GMCL1: variants seen among roughly 807,000 people sequenced by gnomAD.
GMCL1 encodes the protein germ cell-less 1, spermatogenesis associated.
Under a neutral mutation model 75.5 loss-of-function variants are expected in GMCL1, and 54 were observed. The ratio of observed to expected loss-of-function variants is 0.71; its 90% CI spans 0.57 to 0.90. The LOEUF is 0.90. Ranked by LOEUF, GMCL1 falls within the 40% of genes least tolerant of loss-of-function variation. The probability of loss-of-function intolerance (pLI) is 0.00; values close to 1 mark genes in which losing one functional copy is unlikely to be tolerated. For synonymous variants in GMCL1, 210 were observed against 209.6 expected (o/e 1.00, Z -0.02); for missense variants, 537 against 622.7 (o/e 0.86, Z 1.47).
intron 1 of GMCL1, among the ~76,000 whole-genome samples, 193 bp from the exon 2 acceptor site, chr2:69,837,354 A>G (rs1034698944): frequency 1.2e-4 from 19 of 152,186 alleles, no homozygotes; most frequent in African/African-American, 3.6e-4. Flanking sequence ...GATAACCACT[A>G]TTATTAGTTT....
At chr2:69,862,967 G>A (rs1675701248) in intron 10 of GMCL1, among the ~76,000 whole-genome samples, 2 of 152,056 alleles carry the variant, frequency 1.3e-5, no homozygotes, top group Non-Finnish European at 2.9e-5. Context: ...AATTTTGGAT[G>A]TTCTTTATTT....
intron 9 of GMCL1, among the ~76,000 whole-genome samples, chr2:69,855,190 A>G (rs916109146): frequency 7.2e-5 from 11 of 152,116 alleles, no homozygotes; most frequent in African/African-American, 2.4e-4. Context: ...TTAAATGATT[A>G]TCTAGTATTC....
At chr2:69,873,290 A>G (rs2104058932) in intron 13 of GMCL1, among the ~76,000 whole-genome samples, 1 of 152,340 alleles carries the variant, frequency 6.6e-6, no homozygotes, top group South Asian at 2.1e-4. Context: ...AACTAGAGCC[A>G]GGGCATGAGG....
In GMCL1 at chr2:69,865,780, A is replaced by ATT. The variant is rs569856883; in HGVS notation, c.1218+807_1218+808dup. Among the ~76,000 whole-genome samples the ATT allele has an allele frequency of 7.8e-4, 118 of 152,124 alleles. 1 individual carries two copies. Among genetic ancestry groups the ATT allele is most frequent in the Non-Finnish European group, 1.5e-3 (101 of 67,978 alleles). ...CTATTTAATACTTTTATTTTATGTT[A>ATT]TTTGTTAGAGACAGGCTCTCCCTCT... is the stretch of plus-strand genomic sequence containing the variant. On this transcript the variant is annotated intron_variant, in intron 11 of 13. Coordinates refer to ENST00000282570, the MANE Select transcript of GMCL1 (RefSeq NM_178439.5).
intron 2 of GMCL1, among the ~76,000 whole-genome samples, chr2:69,838,598 C>T (rs1239358613): frequency 6.6e-6 from 1 of 152,110 alleles, no homozygotes; most frequent in African/African-American, 2.4e-5. Flanking sequence ...CCTTCTCTAA[C>T]ATTTTAATCA....
intron 12 of GMCL1, among the ~76,000 whole-genome samples, chr2:69,871,045 G>A (rs1675967439): frequency 6.6e-6 from 1 of 152,132 alleles, no homozygotes; most frequent in South Asian, 2.1e-4. Flanking sequence ...ATTGAAAATA[G>A]GGACTTAAAC....
intron 9 of GMCL1, among the ~76,000 whole-genome samples, chr2:69,857,726 T>C (rs1191499204): frequency 6.6e-6 from 1 of 152,242 alleles, no homozygotes; most frequent in Non-Finnish European, 1.5e-5. Flanking sequence ...ATTTTTACTA[T>C]GTAAATGTTT....
Position 69,876,169 on chromosome 2 carries a change from A to C in GMCL1, c.1453-2740A>C, listed in dbSNP as rs2054044. Among the ~76,000 whole-genome samples the C allele has an allele frequency of 6.2e-3, 938 of 152,322 alleles. 2 individuals carry two copies. The highest frequency in any genetic ancestry group is 9.8e-3 in the Non-Finnish European group (667 of 68,024). On this transcript the variant is annotated intron_variant, in intron 13 of 13. Transcript: ENST00000282570. Reference sequence around the variant, plus strand: ...AGACAGCAATGTGTAGGAAGGATTAAAGATATGATAATGGCAATAAAACAA... The same window carrying C: ...AGACAGCAATGTGTAGGAAGGATTACAGATATGATAATGGCAATAAAACAA...
intron 9 of GMCL1, among the ~76,000 whole-genome samples, chr2:69,860,847 C>G (rs1017732175): frequency 1.3e-5 from 2 of 151,882 alleles, no homozygotes; most frequent in African/African-American, 4.8e-5. Flanking sequence ...GTTTGTCTGT[C>G]TGTTTGATTG....
At position 69,829,927 on chromosome 2, in the gene GMCL1, C is replaced by G. The variant is rs1026718497; in HGVS notation, c.35C>G (p.Pro12Arg). ...TTGAGCAGCCGGGTGCTGCGCCAGCCAAGACCAGCCCTTGCCCAGCAGGCG... is the reference window on the plus strand; with the variant it reads ...TTGAGCAGCCGGGTGCTGCGCCAGCGAAGACCAGCCCTTGCCCAGCAGGCG... ...GSLSSRVLRQ[P>R]RPALAQQAQG... The change falls in exon 1 of 14, where the codon CCA becomes CGA. Residue 12 changes from proline to arginine, a missense_variant. Pro to Arg is a moderately radical substitution (Grantham distance 103). Coordinates refer to ENST00000282570, the MANE Select transcript of GMCL1 (RefSeq NM_178439.5). 1 of 1,604,682 alleles carries G rather than the reference C, an allele frequency of 6.2e-7. No homozygotes were observed. The highest frequency in any genetic ancestry group is 1.7e-5 in the Admixed American group (1 of 59,100).
At chr2:69,858,522 A>C (rs956048781) in intron 9 of GMCL1, among the ~76,000 whole-genome samples, 2 of 152,216 alleles carry the variant, frequency 1.3e-5, no homozygotes, top group Non-Finnish European at 2.9e-5. Flanking sequence ...AGATGATTGC[A>C]TACAAACATA....
chr2:69,849,586 A>G, intron 7 of GMCL1, 66 bp from the exon 8 acceptor site: 1 of 1,080,900 alleles, frequency 9.3e-7, no homozygotes, highest in South Asian at 1.6e-5. Context: ...AAGCAATTTG[A>G]AAATGTAAAA....
At chr2:69,865,512 G>A (rs750785857) in intron 11 of GMCL1, among the ~76,000 whole-genome samples, 56 of 152,106 alleles carry the variant, frequency 3.7e-4, no homozygotes, top group Non-Finnish European at 6.9e-4. Flanking sequence ...GCCAGGCATG[G>A]TGGTGCATGC....
intron 13 of GMCL1, among the ~76,000 whole-genome samples, chr2:69,872,292 A>G (rs1013083): frequency 0.21 from 31,723 of 152,106 alleles, 3,466 homozygotes; most frequent in African/African-American, 0.26. Flanking sequence ...AAACTCTGCA[A>G]TGTTCCCCAG....
intron 1 of GMCL1, among the ~76,000 whole-genome samples, chr2:69,830,859 T>A (rs1674652789): frequency 6.6e-6 from 1 of 152,042 alleles, no homozygotes; most frequent in African/African-American, 2.4e-5. Flanking sequence ...ACAAACAATT[T>A]GGTTTTTCTG....
intron 13 of GMCL1, among the ~76,000 whole-genome samples, chr2:69,876,380 AGTG>A (rs1316316574): frequency 6.6e-6 from 1 of 152,168 alleles, no homozygotes; most frequent in Non-Finnish European, 1.5e-5. Context: ...AATTTACAGT[AGTG>A]GTTTTACCTG....
chr2:69,854,978 G>C lies in GMCL1; in HGVS notation c.1072+18G>C, dbSNP rs1176061711. 6.6e-7 allele frequency: 1 copy of C among 1,509,812 alleles called. No homozygotes were observed. Among genetic ancestry groups the C allele is most frequent in the Admixed American group, 1.9e-5 (1 of 51,868 alleles). 93.5% of individuals were successfully genotyped at this position (1,509,812 alleles called of 1,614,324 possible). A position where few individuals can be genotyped will look rare whatever the true frequency, so the allele number is the denominator to read the frequency against. ...ACCTTCAGGTAAGAGAACATAATTTGTAATTTTAAGTAATATATTTCTGAT... is the reference window on the plus strand; with the variant it reads ...ACCTTCAGGTAAGAGAACATAATTTCTAATTTTAAGTAATATATTTCTGAT... On this transcript the variant is annotated intron_variant, in intron 9 of 13. Coordinates refer to ENST00000282570, the MANE Select transcript of GMCL1 (RefSeq NM_178439.5).
At chr2:69,860,839 T>C (rs989145726) in intron 9 of GMCL1, among the ~76,000 whole-genome samples, 1 of 152,148 alleles carries the variant, frequency 6.6e-6, no homozygotes, top group Admixed American at 6.5e-5. Flanking sequence ...GTTTGTTTGT[T>C]TGTCTGTCTG....
intron 9 of GMCL1, among the ~76,000 whole-genome samples, chr2:69,858,642 G>A (rs945362660): frequency 7.3e-5 from 11 of 151,712 alleles, no homozygotes; most frequent in African/African-American, 2.4e-4. Context: ...TTGAACTTGT[G>A]TTACATTGAC....
Sources: allele counts gnomAD v4.1 joint callset (sites outside exome capture counted in the v4.1 genomes callset), GRCh38; gene constraint gnomAD v4.1.1; transcripts MANE v1.5; gene names NCBI Gene and HGNC (gene_info 2026-07-23, HGNC 2026-07-21).